Variants in PCBP3 observed in about 807,000 individuals in gnomAD.
The protein encoded by PCBP3 is poly(rC) binding protein 3, also known as poly(rC)-binding protein 3.
A neutral mutation model predicts 52.7 loss-of-function variants in PCBP3; 25 were observed. The observed-to-expected ratio is 0.47, with a 90% CI of 0.35 to 0.66. The LOEUF (loss-of-function observed/expected upper bound fraction) is 0.66, where lower values mean the gene tolerates loss of function less well. PCBP3 is among the 30% of genes least tolerant of loss of function. PCBP3 has a pLI of 0.01. For synonymous variants in PCBP3, 162 were observed against 183.0 expected (o/e 0.89, Z 0.93); for missense variants, 391 against 490.3 (o/e 0.80, Z 1.91).
At chr21:45,700,387 T>C (rs2083043035) in intron 2 of PCBP3, among the ~76,000 whole-genome samples, 1 of 152,188 alleles carries the variant, frequency 6.6e-6, no homozygotes, top group Admixed American at 6.5e-5. Context: ...ATCAGAATTC[T>C]CTGTTCCCTG....
At chr21:45,792,044 A>G (rs1456560853) in intron 4 of PCBP3, among the ~76,000 whole-genome samples, 1 of 152,264 alleles carries the variant, frequency 6.6e-6, no homozygotes, top group Non-Finnish European at 1.5e-5. Flanking sequence ...TGGGACCTCA[A>G]GGCAAGCCGA....
intron 5 of PCBP3, among the ~76,000 whole-genome samples, chr21:45,867,461 G>A (rs1021921495): frequency 6.6e-6 from 1 of 151,930 alleles, no homozygotes; most frequent in Non-Finnish European, 1.5e-5. Context: ...GGTCCCTGGC[G>A]CACCTGCTAC....
chr21:45,927,713 C>T (rs544365461), intron 13 of PCBP3, among the ~76,000 whole-genome samples: 8 of 152,214 alleles, frequency 5.3e-5, no homozygotes, highest in African/African-American at 1.9e-4. Context: ...AAGCCCAAAA[C>T]GTATCAGGAG....
intron 15 of PCBP3, among the ~76,000 whole-genome samples, chr21:45,934,898 T>C (rs1025548458): frequency 1.3e-5 from 2 of 152,182 alleles, no homozygotes; most frequent in Non-Finnish European, 2.9e-5. Flanking sequence ...TGAGACATGC[T>C]GGATGGCCCT....
At chr21:45,899,765 C>T in intron 7 of PCBP3, 143 bp downstream of exon 7, 2 of 649,720 alleles carry the variant, frequency 3.1e-6, no homozygotes, top group South Asian at 3.6e-5. Flanking sequence ...AAGACAGGAC[C>T]CCAGAGGTGT....
intron 17 of PCBP3, among the ~76,000 whole-genome samples, 193 bp downstream of exon 17, chr21:45,940,392 G>A (rs1376460928): frequency 6.6e-6 from 1 of 152,186 alleles, no homozygotes; most frequent in East Asian, 1.9e-4. Flanking sequence ...TAGACACGGG[G>A]CCACCTCACT....
chr21:45,804,549 T>C (rs1219368371), intron 4 of PCBP3, among the ~76,000 whole-genome samples: 1 of 152,014 alleles, frequency 6.6e-6, no homozygotes, highest in African/African-American at 2.4e-5. Flanking sequence ...TATGAAAGAC[T>C]TGTATTTATT....
chr21:45,915,196 AC>A (rs2073177104), intron 12 of PCBP3: 1 of 151,798 alleles, frequency 6.6e-6, no homozygotes, highest in Admixed American at 6.6e-5. Flanking sequence ...GGCATGGCAC[AC>A]CCCCATTTTA....
intron 5 of PCBP3, among the ~76,000 whole-genome samples, chr21:45,869,627 G>C (rs1442004824): frequency 1.3e-5 from 2 of 152,194 alleles, no homozygotes; most frequent in Non-Finnish European, 2.9e-5. Context: ...CAGCCTGCAG[G>C]ACGCTGTCAG....
chr21:45,826,114 C>G (rs1476364058), intron 4 of PCBP3, among the ~76,000 whole-genome samples: 1 of 151,966 alleles, frequency 6.6e-6, no homozygotes, highest in East Asian at 1.9e-4. Context: ...CAAAATTAGC[C>G]AGGCGTGGTG....
intron 11 of PCBP3, among the ~76,000 whole-genome samples, chr21:45,912,504 G>C (rs1334781216): frequency 6.6e-6 from 1 of 152,174 alleles, no homozygotes; most frequent in East Asian, 1.9e-4. Flanking sequence ...AGATGACGGA[G>C]GAAAGGGCTG....
intron 5 of PCBP3, among the ~76,000 whole-genome samples, chr21:45,850,950 T>G (rs1318879580): frequency 6.6e-6 from 1 of 152,166 alleles, no homozygotes; most frequent in Non-Finnish European, 1.5e-5. Context: ...ATAAAAGAAA[T>G]AAAAGAACTT....
chr21:45,765,925 C>T (rs955451432), intron 4 of PCBP3, among the ~76,000 whole-genome samples: 2 of 152,170 alleles, frequency 1.3e-5, no homozygotes, highest in Non-Finnish European at 2.9e-5. Context: ...TTCAAGTGGA[C>T]GCCTTCAGAA....
chr21:45,920,522 T>G (rs1445957797), intron 13 of PCBP3, among the ~76,000 whole-genome samples: 1 of 152,202 alleles, frequency 6.6e-6, no homozygotes, highest in Non-Finnish European at 1.5e-5. Context: ...AGATACCTGG[T>G]GCTATGGTTT....
chr21:45,669,733 A>G (rs903250339), intron 2 of PCBP3, among the ~76,000 whole-genome samples: 2 of 147,734 alleles, frequency 1.4e-5, no homozygotes. Context: ...GGGTTCATCC[A>G]TGTTGTAGCA....
intron 4 of PCBP3, chr21:45,762,765 T>C (rs889184173): frequency 1.3e-5 from 2 of 152,232 alleles, no homozygotes; most frequent in African/African-American, 4.8e-5. Context: ...ATTACAGGCG[T>C]GAGCCACCAC....
Position 45,743,569 on chromosome 21 carries a change from C to T in PCBP3, c.-162+8140C>T, listed in dbSNP as rs139630964. ...TGGAATAAACCCCGTTAGGCCATAGCTCTTCCAATTATAATATGCTCCCAG... is the reference window on the plus strand; with the variant it reads ...TGGAATAAACCCCGTTAGGCCATAGTTCTTCCAATTATAATATGCTCCCAG... On this transcript the variant is annotated intron_variant, in intron 3 of 17. Transcript: ENST00000681687. 3.3e-5 allele frequency among the ~76,000 whole-genome samples: 5 copies of T among 152,132 alleles called. No homozygotes were observed. In the East Asian group the frequency reaches 9.6e-4, roughly 29 times the overall value.
At chr21:45,832,605 G>A (rs1198438851) in intron 4 of PCBP3, 1 of 152,226 alleles carries the variant, frequency 6.6e-6, no homozygotes, top group Non-Finnish European at 1.5e-5. Flanking sequence ...GCCCCGTGCT[G>A]ACCTCGTGTT....
At chr21:45,878,288 T>TG (rs35131273) in intron 5 of PCBP3, among the ~76,000 whole-genome samples, 6 of 152,070 alleles carry the variant, frequency 3.9e-5, no homozygotes, top group African/African-American at 1.4e-4. Flanking sequence ...CCCTCCGGGG[T>TG]GGGGGGGTCC....
Sources: allele counts gnomAD v4.1 joint callset (sites outside exome capture counted in the v4.1 genomes callset), GRCh38; gene constraint gnomAD v4.1.1; transcripts MANE v1.5; gene names NCBI Gene and HGNC (gene_info 2026-07-23, HGNC 2026-07-21).